The following TAF1B variants were observed in gnomAD, a reference collection of about 807,000 sequenced individuals.
The protein encoded by TAF1B is TATA-box binding protein associated factor, RNA polymerase I subunit B.
Under a neutral mutation model 83.9 loss-of-function variants are expected in TAF1B, and 61 were observed. The ratio of observed to expected loss-of-function variants is 0.73; its 90% CI spans 0.59 to 0.90. The LOEUF (loss-of-function observed/expected upper bound fraction) is 0.90, where lower values mean the gene tolerates loss of function less well. TAF1B is among the 40% of genes least tolerant of loss of function. The pLI is 0.00. For missense variants in TAF1B, 625 were observed against 677.0 expected (o/e 0.92, Z 0.85); for synonymous variants, 221 against 224.6 (o/e 0.98, Z 0.14).
chr2:9,854,371 A>G lies in TAF1B; in HGVS notation c.349A>G (p.Lys117Glu), dbSNP rs1384146273. The stretch of plus-strand genomic sequence containing the variant: ...TTGGAAGCGCTACCTTCAGAAGAGC[A>G]AGCAGGCATATTGTAAGAACCCAGT... ...NFWKRYLQKS[K>E]QAYCKNPVYT... is the part of the protein sequence containing the mutation. The change falls in exon 5 of 15, where the codon AAG (lysine) becomes GAG (glutamate). Residue 117 changes from lysine (K) to glutamate (E), a missense_variant. Lys to Glu is a moderately conservative substitution (Grantham distance 56). Transcript: ENST00000263663. 1.2e-6 allele frequency: 2 copies of G among 1,614,158 alleles called. No homozygotes were observed. The highest frequency in any genetic ancestry group is 2.2e-5 in the South Asian group (2 of 91,076).
intron 14 of TAF1B, among the ~76,000 whole-genome samples, chr2:9,928,512 G>A (rs991083593): frequency 6.6e-6 from 1 of 152,156 alleles, no homozygotes; most frequent in African/African-American, 2.4e-5. Flanking sequence ...TCTTCCATTT[G>A]TTTGTGTCCT....
Position 9,882,734 on chromosome 2 carries a change from A to G in TAF1B, c.736A>G (p.Ile246Val). The change falls in exon 8 of 15, where the codon ATA becomes GTA. Residue 246 changes from isoleucine to valine, a missense_variant. Physicochemically the swap from Ile to Val is conservative, Grantham distance 29 (BLOSUM62 3). Coordinates refer to ENST00000263663, the MANE Select transcript of TAF1B (RefSeq NM_005680.3). The part of the protein sequence containing the change: ...RFVEEDHIPY[I>V]NAFQHFPEQM... ...TGTTGAAGAGGACCATATTCCTTAC[A>G]TAAATGCTTTTCAGCATTTTCCAGA... The G allele has an allele frequency of 6.2e-7, 1 of 1,611,614 alleles. No individual in the cohort carries two copies. The highest frequency in any genetic ancestry group is 8.5e-7 in the Non-Finnish European group (1 of 1,178,890).
chr2:9,890,191 G>A (rs1055793728), intron 8 of TAF1B, among the ~76,000 whole-genome samples: 3 of 152,134 alleles, frequency 2.0e-5, no homozygotes, highest in Middle Eastern at 3.2e-3. Context: ...CTGCCTCCAG[G>A]CAGTAAGCTG....
intron 10 of TAF1B, 24 bp downstream of exon 10, chr2:9,910,937 C>T: frequency 6.3e-7 from 1 of 1,581,108 alleles, no homozygotes; most frequent in Non-Finnish European, 8.6e-7. Flanking sequence ...AATTTTATGA[C>T]AAGTAACATT....
intron 6 of TAF1B, among the ~76,000 whole-genome samples, chr2:9,870,028 C>T (rs550869104): frequency 1.6e-4 from 24 of 152,038 alleles, no homozygotes; most frequent in Admixed American, 2.6e-4. Context: ...TGTATGTATA[C>T]GGAAAGAATT....
chr2:9,872,516 G>A (rs1446612096), intron 6 of TAF1B, among the ~76,000 whole-genome samples: 5 of 152,084 alleles, frequency 3.3e-5, no homozygotes, highest in African/African-American at 1.2e-4. Context: ...TTTGAATCTA[G>A]CTTTCCCAGG....
chr2:9,898,639 G>A (rs1665091463), intron 8 of TAF1B, among the ~76,000 whole-genome samples: 1 of 152,168 alleles, frequency 6.6e-6, no homozygotes, highest in Non-Finnish European at 1.5e-5. Flanking sequence ...AGAGTACAGT[G>A]TATCTAATGG....
At chr2:9,847,298 GA>G (rs911607230) in intron 2 of TAF1B, among the ~76,000 whole-genome samples, 5 of 151,922 alleles carry the variant, frequency 3.3e-5, no homozygotes, top group Admixed American at 2.6e-4. Context: ...AGGCTTAAAG[GA>G]AAAAAAAGTT....
At chr2:9,894,235 A>G (rs1174754535) in intron 8 of TAF1B, among the ~76,000 whole-genome samples, 1 of 22,846 alleles carries the variant, frequency 4.4e-5, no homozygotes, top group East Asian at 3.3e-3. Context: ...TAAAACAGTA[A>G]GTTTAAACAC....
At position 9,929,360 on chromosome 2, in the gene TAF1B, G is replaced by A. The variant is rs569661761; in HGVS notation, c.1566-4423G>A. Among the ~76,000 whole-genome samples, 9 of 152,162 alleles carry A rather than the reference G, an allele frequency of 5.9e-5. No individual in the cohort carries two copies. The South Asian group carries it at 6.2e-4, about 11-fold the overall frequency. On this transcript the variant is annotated intron_variant, in intron 14 of 14. Transcript: ENST00000263663. ...TTTTTAGTAAAGACGGGGTTTCACC[G>A]TGTTAGCCAAGACGGTCTCAATCTC...
rs1326156524 is a variant in TAF1B at position 9,914,774 on chromosome 2, C to T, written c.1271+1525C>T. 6.6e-6 allele frequency among the ~76,000 whole-genome samples: 1 copy of T among 152,178 alleles called. No homozygotes were observed. The highest frequency in any genetic ancestry group is 1.5e-5 in the Non-Finnish European group (1 of 68,034). On this transcript the variant is annotated intron_variant, in intron 12 of 14. Coordinates refer to ENST00000263663, the MANE Select transcript of TAF1B (RefSeq NM_005680.3). The surrounding 1 kb of genome is among the most constrained non-coding windows in gnomAD (Gnocchi z 4.3). The stretch of plus-strand genomic sequence containing the variant: ...GGACCCGTTTCCAAGGTCCTTCTTC[C>T]TAGAGTATGTGCTGAGGGCTGACAC...
At chr2:9,913,615 C>T in intron 12 of TAF1B, 1 of 162,952 alleles carries the variant, frequency 6.1e-6, no homozygotes, top group African/African-American at 2.4e-5. Context: ...CTATGCTTCC[C>T]AATATTAAAA....
At chr2:9,879,025 A>C (rs1227669810) in intron 7 of TAF1B, among the ~76,000 whole-genome samples, 3 of 152,224 alleles carry the variant, frequency 2.0e-5, no homozygotes, top group Non-Finnish European at 4.4e-5. Context: ...GCCAGTGTGA[A>C]TATCAGGAGT....
intron 5 of TAF1B, among the ~76,000 whole-genome samples, chr2:9,866,748 A>G (rs1416527816): frequency 6.6e-6 from 1 of 152,244 alleles, no homozygotes; most frequent in Admixed American, 6.5e-5. Context: ...ATGGAATACT[A>G]TGCAGCCATA....
At chr2:9,850,865 C>G (rs936246553) in intron 3 of TAF1B, among the ~76,000 whole-genome samples, 3 of 152,266 alleles carry the variant, frequency 2.0e-5, no homozygotes, top group South Asian at 4.2e-4. Context: ...ACGTAAGATA[C>G]CTGGCACACA....
chr2:9,875,862 A>C lies in TAF1B; in HGVS notation c.554-3A>C. The C allele has an allele frequency of 6.4e-7, 1 of 1,573,554 alleles. No homozygotes were observed. The highest frequency in any genetic ancestry group is 8.7e-7 in the Non-Finnish European group (1 of 1,152,556). ...TTTTAAAAATCTCCATTTATCTCCT[A>C]AGAAACGTCTGTCTGCTCTGGATCT... is the stretch of plus-strand genomic sequence containing the variant. On this transcript the variant is annotated splice_polypyrimidine_tract_variant and splice_region_variant and intron_variant, in intron 6 of 14. Coordinates refer to ENST00000263663, the MANE Select transcript of TAF1B (RefSeq NM_005680.3).
intron 10 of TAF1B, among the ~76,000 whole-genome samples, chr2:9,911,118 C>T (rs1665520048): frequency 1.3e-5 from 2 of 152,180 alleles, no homozygotes; most frequent in Admixed American, 1.3e-4. Flanking sequence ...TTATTTCTTA[C>T]ACAGTACTTT....
rs761875276 is a variant in TAF1B at position 9,845,207 on chromosome 2, T to G, written c.19-13T>G. On this transcript the variant is annotated splice_polypyrimidine_tract_variant and intron_variant, in intron 1 of 14. Transcript: ENST00000263663. ...CTTGATGGGAACACCTTTTCTGTCC[T>G]CTTCTCCCATAGGAAGAGTTTAAAG... is the stretch of plus-strand genomic sequence containing the variant. 6.2e-7 allele frequency: 1 copy of G among 1,603,328 alleles called. No individual in the cohort carries two copies. Among genetic ancestry groups the G allele is most frequent in the South Asian group, 1.1e-5 (1 of 90,616 alleles).
chr2:9,882,675 T>C (rs1172356120), intron 7 of TAF1B, 31 bp from the exon 8 acceptor site: 5 of 1,510,808 alleles, frequency 3.3e-6, no homozygotes, highest in Admixed American at 3.7e-5. Flanking sequence ...TATATAACTC[T>C]CATTAAACCT....
Sources: gnomAD v4.1 joint callset for allele counts (sites outside exome capture counted in the v4.1 genomes callset) on GRCh38, gnomAD v4.1.1 for gene constraint, Gnocchi (gnomAD v3.1) non-coding constraint, MANE v1.5 for transcripts, NCBI Gene and HGNC (gene_info 2026-07-23, HGNC 2026-07-21) for gene names.